The following SRGAP3 variants were observed in gnomAD, a reference collection of about 807,000 sequenced individuals.
The protein encoded by SRGAP3 is SLIT-ROBO Rho GTPase-activating protein 3.
Under a neutral mutation model 121.1 loss-of-function variants are expected in SRGAP3, and 39 were observed. That is an observed-to-expected ratio of 0.32 (90% CI 0.25 to 0.42). The LOEUF is 0.42. SRGAP3 is among the 10% of genes least tolerant of loss of function. The probability of loss-of-function intolerance (pLI) is 1.00; values close to 1 mark genes in which losing one functional copy is unlikely to be tolerated. For synonymous variants in SRGAP3, 601 were observed against 570.0 expected, an observed-to-expected ratio of 1.05 and a Z score of -0.77; for missense variants, 1,213 against 1,470.6, an observed-to-expected ratio of 0.82 and a Z score of 2.86.
At position 9,058,791 on chromosome 3, in the gene SRGAP3, C is replaced by T. The variant is rs1945975253; in HGVS notation, c.802-319G>A. 2.5e-5 allele frequency: 8 copies of T among 321,798 alleles called. No individual in the cohort carries two copies. The South Asian group carries it at 2.6e-4, about 11-fold the overall frequency. 19.9% of individuals were successfully genotyped at this position (321,798 alleles called of 1,614,324 possible). ...CTGGAGTGCAGTGGCACGATCTCGG[C>T]TCACTGCTACCTCCGCCTCCCGGGT... On this transcript the variant is annotated intron_variant, in intron 6 of 21. Transcript: ENST00000383836.
At chr3:9,350,902 C>T (rs2030100065) in intron 1 of SRGAP3, among the ~76,000 whole-genome samples, 1 of 152,136 alleles carries the variant, frequency 6.6e-6, no homozygotes, top group Non-Finnish European at 1.5e-5. Flanking sequence ...TAGTAGTTTA[C>T]CACAGTGATT....
At chr3:9,037,938 G>T in intron 11 of SRGAP3, 125 bp downstream of exon 11, 3 of 1,301,110 alleles carry the variant, frequency 2.3e-6, no homozygotes, top group Non-Finnish European at 3.3e-6. Flanking sequence ...CACCCACACC[G>T]GCCCTTGGGG....
intron 7 of SRGAP3, 47 bp from the exon 8 acceptor site, chr3:9,056,381 A>C (rs1574991150): frequency 6.3e-7 from 1 of 1,585,900 alleles, no homozygotes; most frequent in Non-Finnish European, 8.6e-7. Flanking sequence ...TGCCCTCCTC[A>C]CCTGTGTGGA....
At chr3:9,019,059 G>T (rs1943781380) in intron 14 of SRGAP3, among the ~76,000 whole-genome samples, 1 of 152,108 alleles carries the variant, frequency 6.6e-6, no homozygotes, top group African/African-American at 2.4e-5. Flanking sequence ...TTTTTTTAAA[G>T]GCTGCAAAGT....
chr3:9,195,669 A>G (rs1951893556), intron 1 of SRGAP3, among the ~76,000 whole-genome samples: 1 of 151,960 alleles, frequency 6.6e-6, no homozygotes, highest in Non-Finnish European at 1.5e-5. Context: ...AAAAAACTCA[A>G]CCTAAGCCAT....
chr3:9,345,018 A>T (rs1026620004), intron 1 of SRGAP3, among the ~76,000 whole-genome samples: 5 of 151,980 alleles, frequency 3.3e-5, no homozygotes, highest in African/African-American at 1.2e-4. Flanking sequence ...GCCTGGTGAC[A>T]GAGCGAGACT....
chr3:9,231,614 C>T (rs764894332), intron 1 of SRGAP3, among the ~76,000 whole-genome samples: 4 of 152,138 alleles, frequency 2.6e-5, no homozygotes, highest in Non-Finnish European at 5.9e-5. Context: ...GCTTTGAATG[C>T]CTCCTGTGTG....
intron 1 of SRGAP3, among the ~76,000 whole-genome samples, chr3:9,215,435 C>T (rs1952584551): frequency 6.6e-6 from 1 of 152,234 alleles, no homozygotes; most frequent in Admixed American, 6.5e-5. Context: ...ACCTCTGCCT[C>T]CCTCCCAGAG....
chr3:9,306,550 A>C (rs998096679), intron 3 of SRGAP3, among the ~76,000 whole-genome samples: 2 of 152,118 alleles, frequency 1.3e-5, no homozygotes, highest in African/African-American at 2.4e-5. Flanking sequence ...GGTTTTAGGT[A>C]TAACATTTAA....
intron 20 of SRGAP3, among the ~76,000 whole-genome samples, chr3:8,992,351 A>C (rs1942106396): frequency 1.3e-5 from 2 of 152,220 alleles, no homozygotes. Flanking sequence ...TCAGAAGGAC[A>C]TGCACAGCTC....
intron 1 of SRGAP3, chr3:9,348,550 G>A (rs1449103937): frequency 2.2e-5 from 17 of 775,624 alleles, no homozygotes; most frequent in Non-Finnish European, 3.3e-5. Context: ...CGGGCCATAA[G>A]GAGGCGAAGT....
At chr3:9,296,195 T>C (rs1235636081) in intron 3 of SRGAP3, among the ~76,000 whole-genome samples, 2 of 152,252 alleles carry the variant, frequency 1.3e-5, no homozygotes, top group Admixed American at 1.3e-4. Flanking sequence ...ATTTTATATC[T>C]AATTTTTTGA....
At chr3:9,056,441 G>T in intron 7 of SRGAP3, 107 bp from the exon 8 acceptor site, 1 of 1,234,358 alleles carries the variant, frequency 8.1e-7, no homozygotes, top group Non-Finnish European at 1.1e-6. Flanking sequence ...CAGGAAACAG[G>T]GGCTCGGAAA....
At chr3:9,297,262 C>G (rs1235185194) in intron 3 of SRGAP3, among the ~76,000 whole-genome samples, 1 of 152,168 alleles carries the variant, frequency 6.6e-6, no homozygotes, top group Non-Finnish European at 1.5e-5. Flanking sequence ...CAAAGCTATG[C>G]AGGCCCAGTG....
At chr3:9,291,444 C>A (rs1480264622) in intron 3 of SRGAP3, among the ~76,000 whole-genome samples, 1 of 152,142 alleles carries the variant, frequency 6.6e-6, no homozygotes, top group Non-Finnish European at 1.5e-5. Flanking sequence ...CTGCTTCCAC[C>A]AACGGGTCAC....
intron 1 of SRGAP3, among the ~76,000 whole-genome samples, chr3:9,182,499 G>T (rs1391868626): frequency 6.6e-6 from 1 of 152,070 alleles, no homozygotes; most frequent in Non-Finnish European, 1.5e-5. Flanking sequence ...GGGAGAGCGA[G>T]GCCTTCCTGA....
At chr3:9,295,130 T>A (rs62244929) in intron 3 of SRGAP3, among the ~76,000 whole-genome samples, 4,464 of 152,300 alleles carry the variant, frequency 0.029, 102 homozygotes, top group Non-Finnish European at 0.045. Flanking sequence ...ATCTTATGGG[T>A]GCCATCTGAT....
intron 3 of SRGAP3, among the ~76,000 whole-genome samples, chr3:9,099,553 C>T (rs1020053271): frequency 2.0e-5 from 3 of 152,202 alleles, no homozygotes; most frequent in Non-Finnish European, 4.4e-5. Flanking sequence ...TGGCTTTAGT[C>T]CTGGAGCTGG....
At chr3:9,096,935 T>TTATATA (rs1553661310) in intron 3 of SRGAP3, among the ~76,000 whole-genome samples, 1 of 71,258 alleles carries the variant, frequency 1.4e-5, no homozygotes, top group Non-Finnish European at 2.7e-5. Context: ...TTACATTATT[T>TTATATA]TGTATATATA....
Sources: gnomAD v4.1 joint callset for allele counts (sites outside exome capture counted in the v4.1 genomes callset) on GRCh38, gnomAD v4.1.1 for gene constraint, MANE v1.5 for transcripts, NCBI Gene and HGNC (gene_info 2026-07-23, HGNC 2026-07-21) for gene names.